Variants in CEP57L1 observed in about 807,000 individuals in gnomAD.
CEP57L1 encodes the protein centrosomal protein 57 like 1, also known as centrosomal protein CEP57L1.
In CEP57L1, 37 loss-of-function variants were observed where a neutral mutation model predicts 61.0. The ratio of observed to expected loss-of-function variants is 0.61; its 90% CI spans 0.47 to 0.80. The LOEUF is 0.80. Ranked by LOEUF, CEP57L1 falls within the 30% of genes least tolerant of loss-of-function variation. The pLI, the probability that CEP57L1 is intolerant of heterozygous loss-of-function variation, is 0.00. For synonymous variants in CEP57L1, 137 were observed against 162.3 expected (o/e 0.84, Z 1.19); for missense variants, 422 against 524.7 (o/e 0.80, Z 1.91).
rs1223934316 is a variant in CEP57L1, at chr6:109,134,772, G to A, written c.-3-10447G>A. Among the ~76,000 whole-genome samples, 12 of 152,072 alleles carry A rather than the reference G, an allele frequency of 7.9e-5. No individual in the cohort carries two copies. In the East Asian group the frequency reaches 1.9e-3, roughly 25 times the overall value. On this transcript the variant is annotated intron_variant, in intron 1 of 10. Transcript: ENST00000517392. The stretch of plus-strand genomic sequence containing the variant: ...CAAGCATTCTTATACACCAATAACA[G>A]ACAAACAGAGAGCCAAATCATGAGT...
At chr6:109,148,455 T>C (rs1334828361) in intron 3 of CEP57L1, among the ~76,000 whole-genome samples, 1 of 152,182 alleles carries the variant, frequency 6.6e-6, no homozygotes, top group Non-Finnish European at 1.5e-5. Flanking sequence ...AACTCATCCT[T>C]TTTTATGGCT....
intron 1 of CEP57L1, among the ~76,000 whole-genome samples, chr6:109,129,835 A>G (rs1773981267): frequency 6.6e-6 from 1 of 151,790 alleles, no homozygotes; most frequent in South Asian, 2.1e-4. Flanking sequence ...TTTAAAATTT[A>G]AAATTTAAAA....
chr6:109,098,293 A>C (rs572786219), intron 1 of CEP57L1, among the ~76,000 whole-genome samples: 5 of 152,138 alleles, frequency 3.3e-5, no homozygotes, highest in Admixed American at 1.3e-4. Context: ...GATTACAGGC[A>C]TGCACCACCA....
intron 1 of CEP57L1, among the ~76,000 whole-genome samples, chr6:109,114,794 C>T (rs1319248440): frequency 1.3e-5 from 2 of 152,038 alleles, no homozygotes; most frequent in Non-Finnish European, 2.9e-5. Context: ...TGTTCTGTTA[C>T]ACTGCAAGGT....
intron 1 of CEP57L1, 101 bp downstream of exon 1, chr6:109,095,676 CT>C: frequency 1.6e-5 from 12 of 755,210 alleles, no homozygotes; most frequent in Non-Finnish European, 1.9e-5. Context: ...GGTGGCCTCC[CT>C]TAGTCCAAGG....
chr6:109,154,438 A>T (rs1773005816), intron 5 of CEP57L1, among the ~76,000 whole-genome samples: 1 of 152,146 alleles, frequency 6.6e-6, no homozygotes, highest in South Asian at 2.1e-4. Flanking sequence ...CATAATACTT[A>T]CATATATAAG....
intron 1 of CEP57L1, chr6:109,100,207 AC>A (rs1562490372): frequency 6.6e-6 from 1 of 152,204 alleles, no homozygotes; most frequent in African/African-American, 2.4e-5. Context: ...GGTACCTAGT[AC>A]AAACTTAATA....
At position 109,116,982 on chromosome 6, in the gene CEP57L1, G is replaced by T. The variant is rs114139573; in HGVS notation, c.-4+21407G>T. On this transcript the variant is annotated intron_variant, in intron 1 of 10. Coordinates refer to ENST00000517392, the MANE Select transcript of CEP57L1 (RefSeq NM_001271852.3). ...ACAAGCATGGTACAGTCCTAACTTT[G>T]GTTAAAATAATAAAAGACTGATTTA... Among the ~76,000 whole-genome samples, 642 of 152,114 alleles carry T rather than the reference G, an allele frequency of 4.2e-3. 5 individuals carry two copies. Among genetic ancestry groups the T allele is most frequent in the African/African-American group, 0.015 (608 of 41,504 alleles).
intron 1 of CEP57L1, among the ~76,000 whole-genome samples, chr6:109,109,235 T>C (rs1344558423): frequency 1.3e-5 from 2 of 152,192 alleles, no homozygotes; most frequent in East Asian, 3.8e-4. Context: ...CTTAAGAGTA[T>C]TCACCAAAAA....
In CEP57L1 at chr6:109,150,249, T is replaced by G. The variant is rs1357306765; in HGVS notation, c.462+10T>G. ...GATCCTAGAACAACAGGTGAGCATA[T>G]TTTCTATAAGGAATGATAATATAAT... On this transcript the variant is annotated intron_variant, in intron 4 of 10. Coordinates refer to ENST00000517392, the MANE Select transcript of CEP57L1 (RefSeq NM_001271852.3). 4 of 1,589,088 alleles carry G rather than the reference T, an allele frequency of 2.5e-6. No individual in the cohort carries two copies. In the African/African-American group the frequency reaches 5.4e-5, roughly 21 times the overall value.
rs1450226483 is a variant in CEP57L1, at chr6:109,155,415, A to C, written c.657+108A>C. 8.4e-6 allele frequency: 5 copies of C among 595,982 alleles called. No individual in the cohort carries two copies. The Admixed American group carries it at 1.9e-4, about 23-fold the overall frequency. The allele number at this position is 595,982 out of a possible 1,614,324, so 36.9% of individuals were successfully genotyped here. A position where few individuals can be genotyped will look rare whatever the true frequency, so the allele number is the denominator to read the frequency against. On this transcript the variant is annotated intron_variant, in intron 6 of 10. Transcript: ENST00000517392. ...TCTAGATTCTAATTTCTGCTTCCTAAATTGTCTTTTCGTTACAATAATGAA... is the reference window on the plus strand; with the variant it reads ...TCTAGATTCTAATTTCTGCTTCCTACATTGTCTTTTCGTTACAATAATGAA...
At chr6:109,133,781 C>T (rs1269472498) in intron 1 of CEP57L1, among the ~76,000 whole-genome samples, 1 of 152,156 alleles carries the variant, frequency 6.6e-6, no homozygotes, top group South Asian at 2.1e-4. Flanking sequence ...ATACTATAAA[C>T]ACCTCTACGC....
In CEP57L1 at chr6:109,164,845, G is replaced by A. The variant is rs1191908799; in HGVS notation, c.*1875G>A. On this transcript the variant is annotated 3_prime_UTR_variant, in exon 11 of 11. Coordinates refer to ENST00000517392, the MANE Select transcript of CEP57L1 (RefSeq NM_001271852.3). ...ACCTATAATCCCAGCACTTTGGGAG[G>A]CCGAGGCAGGCAGATCACGAGGTCA... Among the ~76,000 whole-genome samples, 1 of 152,120 alleles carries A rather than the reference G, an allele frequency of 6.6e-6. No homozygotes were observed. The highest frequency in any genetic ancestry group is 1.9e-4 in the East Asian group (1 of 5,178).
intron 1 of CEP57L1, among the ~76,000 whole-genome samples, chr6:109,127,267 A>G (rs1338334083): frequency 1.3e-5 from 2 of 152,228 alleles, no homozygotes; most frequent in Non-Finnish European, 2.9e-5. Context: ...CTGCTTAGTA[A>G]AAATTTATTA....
chr6:109,125,666 TGAA>T (rs1388370925), intron 1 of CEP57L1, among the ~76,000 whole-genome samples: 2 of 151,676 alleles, frequency 1.3e-5, no homozygotes, highest in African/African-American at 4.8e-5. Context: ...CCTAGGAGTT[TGAA>T]GCTAGTCTAG....
intron 1 of CEP57L1, among the ~76,000 whole-genome samples, chr6:109,100,656 C>CAGAGTGAG (rs1329783123): frequency 9.3e-6 from 1 of 107,396 alleles, no homozygotes; most frequent in East Asian, 2.6e-4. Context: ...GCCTGAGTGA[C>CAGAGTGAG]AGAGTGAGAT....
intron 1 of CEP57L1, among the ~76,000 whole-genome samples, chr6:109,114,865 A>G (rs925281747): frequency 3.3e-5 from 5 of 152,188 alleles, no homozygotes; most frequent in Non-Finnish European, 2.9e-5. Context: ...CTCACTACAA[A>G]GAGATGGTAA....
intron 10 of CEP57L1, among the ~76,000 whole-genome samples, chr6:109,161,195 G>A (rs1302835078): frequency 6.6e-6 from 1 of 152,082 alleles, no homozygotes; most frequent in Non-Finnish European, 1.5e-5. Context: ...ATTCCCTGGG[G>A]TCCTATACTC....
At chr6:109,112,941 A>G (rs961957928) in intron 1 of CEP57L1, among the ~76,000 whole-genome samples, 41 of 152,144 alleles carry the variant, frequency 2.7e-4, no homozygotes, top group Non-Finnish European at 4.3e-4. Context: ...TATGTGGTCA[A>G]TTTTAGAATA....
Sources: allele counts gnomAD v4.1 joint callset (sites outside exome capture counted in the v4.1 genomes callset), GRCh38; gene constraint gnomAD v4.1.1; transcripts MANE v1.5; gene names NCBI Gene and HGNC (gene_info 2026-07-23, HGNC 2026-07-21).